CORO7: variants seen among roughly 807,000 people sequenced by gnomAD.
CORO7 encodes coronin 7, also known as coronin-7.
CORO7 carries 107 observed loss-of-function variants against 126.6 expected under a neutral mutation model. That is an observed-to-expected ratio of 0.85 (90% CI 0.72 to 0.99). CORO7 has a LOEUF of 0.99. Ranked by LOEUF, CORO7 falls within the 50% of genes least tolerant of loss-of-function variation. CORO7 has a pLI of 0.00. For synonymous variants in CORO7, 603 were observed against 536.8 expected (o/e 1.12, Z -1.70); for missense variants, 1,314 against 1,255.8 (o/e 1.05, Z -0.70).
intron 2 of CORO7, 21 bp from the exon 3 acceptor site, chr16:4,412,451 C>G (rs1390240563): frequency 2.5e-6 from 4 of 1,613,906 alleles, no homozygotes. Context: ...AACACGGGGA[C>G]TCTGACTTCA....
At position 4,355,037 on chromosome 16, in the gene CORO7, G is replaced by T; in HGVS notation, c.*121C>A. ...AGGATGTGGAAGTGCCCACGGGAAGGCAGGAGTGCAGGGGTGACATGTGCC... is the reference window on the plus strand; with the variant it reads ...AGGATGTGGAAGTGCCCACGGGAAGTCAGGAGTGCAGGGGTGACATGTGCC... On this transcript the variant is annotated 3_prime_UTR_variant, in exon 28 of 28. Coordinates refer to ENST00000251166, the MANE Select transcript of CORO7 (RefSeq NM_024535.5). 1 of 1,131,628 alleles carries T rather than the reference G, an allele frequency of 8.8e-7. No individual in the cohort carries two copies. 70.1% of individuals were successfully genotyped at this position (1,131,628 alleles called of 1,614,324 possible).
At chr16:4,406,086 G>A (rs1392454458) in intron 5 of CORO7, among the ~76,000 whole-genome samples, 5 of 151,964 alleles carry the variant, frequency 3.3e-5, no homozygotes, top group South Asian at 2.1e-4. Flanking sequence ...TGCAATCTCC[G>A]CCTCCTGGGT....
intron 9 of CORO7, among the ~76,000 whole-genome samples, chr16:4,372,868 C>A (rs1435857947): frequency 1.3e-5 from 2 of 152,150 alleles, no homozygotes; most frequent in African/African-American, 4.8e-5. Flanking sequence ...CTAGGTGTCC[C>A]CATGCCTGCC....
At chr16:4,386,857 G>A (rs565429006) in intron 9 of CORO7, among the ~76,000 whole-genome samples, 1 of 152,314 alleles carries the variant, frequency 6.6e-6, no homozygotes, top group African/African-American at 2.4e-5. Flanking sequence ...CCCTTGGCAG[G>A]AGCTCTCGCT....
At chr16:4,377,447 G>A (rs950773646) in intron 9 of CORO7, among the ~76,000 whole-genome samples, 3 of 152,062 alleles carry the variant, frequency 2.0e-5, no homozygotes, top group Non-Finnish European at 4.4e-5. Flanking sequence ...CCAGGCGGGC[G>A]GGACAGCTCC....
chr16:4,399,328 G>A (rs2055716466), intron 6 of CORO7, among the ~76,000 whole-genome samples: 2 of 152,208 alleles, frequency 1.3e-5, no homozygotes, highest in Non-Finnish European at 1.5e-5. Context: ...CACGCCACGA[G>A]TAACCCTTGA....
intron 9 of CORO7, among the ~76,000 whole-genome samples, chr16:4,384,077 C>T (rs2055103588): frequency 6.6e-6 from 1 of 152,228 alleles, no homozygotes; most frequent in South Asian, 2.1e-4. Context: ...CTGGCTACAG[C>T]GAGGGCTCTG....
intron 3 of CORO7, among the ~76,000 whole-genome samples, chr16:4,409,883 C>A (rs1236990618): frequency 6.6e-6 from 1 of 152,248 alleles, no homozygotes; most frequent in Non-Finnish European, 1.5e-5. Flanking sequence ...ACCTCTGAGG[C>A]AGAAGGGCAC....
chr16:4,361,540 C>T (rs2054180501), intron 16 of CORO7, 71 bp from the exon 17 acceptor site: 1 of 1,546,306 alleles, frequency 6.5e-7, no homozygotes. Flanking sequence ...GGGCTGCGGG[C>T]AAGCAGCATG....
chr16:4,397,713 A>G (rs1329119518), intron 6 of CORO7, among the ~76,000 whole-genome samples: 10 of 152,040 alleles, frequency 6.6e-5, no homozygotes, highest in Non-Finnish European at 1.5e-4. Flanking sequence ...TCCCGGGTTC[A>G]AGCGATTCTC....
chr16:4,413,673 G>T (rs2056298959), intron 1 of CORO7, among the ~76,000 whole-genome samples: 1 of 151,988 alleles, frequency 6.6e-6, no homozygotes, highest in Admixed American at 6.6e-5. Context: ...GAGTAGCTGG[G>T]ATTACAGGCG....
chr16:4,400,661 AAAAC>A (rs2055765233), intron 6 of CORO7, among the ~76,000 whole-genome samples: 1 of 147,538 alleles, frequency 6.8e-6, no homozygotes, highest in Non-Finnish European at 1.5e-5. Flanking sequence ...CAAAAACAAA[AAAAC>A]AAAAAGTAGC....
At chr16:4,365,286 T>C (rs1172454925) in intron 10 of CORO7, among the ~76,000 whole-genome samples, 1 of 152,146 alleles carries the variant, frequency 6.6e-6, no homozygotes, top group Non-Finnish European at 1.5e-5. Context: ...TACGTCAGTA[T>C]TTATGGAGTG....
chr16:4,355,234 A>G (rs1364206229), intron 27 of CORO7, 52 bp downstream of exon 27: 2 of 1,606,586 alleles, frequency 1.2e-6, no homozygotes, highest in African/African-American at 2.7e-5. Flanking sequence ...GCACCGTGGC[A>G]TGTGCGAGGG....
intron 1 of CORO7, 65 bp from the exon 2 acceptor site, chr16:4,413,469 G>T (rs1012565457): frequency 1.4e-6 from 2 of 1,454,196 alleles, no homozygotes; most frequent in Non-Finnish European, 1.9e-6. Context: ...CATGCCTAAA[G>T]CAAGAGGTGG....
Position 4,382,779 on chromosome 16 carries a change from C to T in CORO7, c.785+5207G>A, listed in dbSNP as rs773431855. The T allele has an allele frequency of 3.2e-6, 5 of 1,575,398 alleles. No individual in the cohort carries two copies. The Admixed American group carries it at 9.1e-5, about 29-fold the overall frequency. Reference sequence around the variant, plus strand: ...GAGTGAAGGTCCCCTTGGAGCCAGGCCCGAAGGCAACAGAGGGCGGTGGAG... The same window carrying T: ...GAGTGAAGGTCCCCTTGGAGCCAGGTCCGAAGGCAACAGAGGGCGGTGGAG... On this transcript the variant is annotated intron_variant, in intron 9 of 27. Transcript: ENST00000251166.
In CORO7 at chr16:4,355,168, G is replaced by A. The variant is rs2053934184; in HGVS notation, c.2773-5C>T. On this transcript the variant is annotated splice_region_variant and splice_polypyrimidine_tract_variant and intron_variant, in intron 27 of 27. Coordinates refer to ENST00000251166, the MANE Select transcript of CORO7 (RefSeq NM_024535.5). ...TGACGGGGGCGCAGGCTAGTCCTGG[G>A]GCGAAACACCAAGAGGTGGGAGGGA... 1 of 1,538,270 alleles carries A rather than the reference G, an allele frequency of 6.5e-7. No homozygotes were observed. Among genetic ancestry groups the A allele is most frequent in the Middle Eastern group, 2.2e-4 (1 of 4,472 alleles).
At chr16:4,406,935 G>A (rs1482248850) in intron 5 of CORO7, among the ~76,000 whole-genome samples, 2 of 151,842 alleles carry the variant, frequency 1.3e-5, no homozygotes, top group Non-Finnish European at 2.9e-5. Flanking sequence ...CACCGCGCCC[G>A]GCCAAAGTTA....
intron 9 of CORO7, among the ~76,000 whole-genome samples, chr16:4,386,916 C>A (rs1249697746): frequency 2.0e-5 from 3 of 152,210 alleles, no homozygotes; most frequent in African/African-American, 2.4e-5. Context: ...GATCCCGCAG[C>A]CTTCCTTACC....
Sources: gnomAD v4.1 joint callset for allele counts (sites outside exome capture counted in the v4.1 genomes callset) on GRCh38, gnomAD v4.1.1 for gene constraint, MANE v1.5 for transcripts, NCBI Gene and HGNC (gene_info 2026-07-23, HGNC 2026-07-21) for gene names.